UBE3A: variants seen among roughly 807,000 people sequenced by gnomAD.
The protein encoded by UBE3A is ubiquitin-protein ligase E3A.
UBE3A carries 6 observed loss-of-function variants against 83.4 expected under a neutral mutation model. That is an observed-to-expected ratio of 0.07 (90% CI 0.04 to 0.14). The LOEUF (loss-of-function observed/expected upper bound fraction) is 0.14. UBE3A is among the 10% of genes least tolerant of loss of function. The pLI is 1.00. For missense variants in UBE3A, 456 were observed against 1,036.1 expected, an observed-to-expected ratio of 0.44 and a Z score of 7.69; for synonymous variants, 337 against 355.4, an observed-to-expected ratio of 0.95 and a Z score of 0.58.
In UBE3A at chr15:25,371,014, G is replaced by A. The variant is rs2152821323; in HGVS notation, c.1160C>T (p.Thr387Ile). ...YANVVGGEVDTNHNEEDDEEP... is the reference protein window; with the variant it reads ...YANVVGGEVDINHNEEDDEEP... ...TTCATCATCTTCTTCATTGTGATTT[G>A]TGTCCACTTCCCCTCCCACTACATT... The change falls in exon 6 of 13, where the codon ACA (threonine) becomes ATA (isoleucine). Residue 387 changes from threonine to isoleucine, a missense_variant. This residue lies in a region of UBE3A where 85 missense variants were observed against 137.0 expected (regional missense o/e 0.62). Transcript: ENST00000648336. The surrounding 1 kb of genome is among the most constrained non-coding windows in gnomAD (Gnocchi z 5.3). 6.2e-7 allele frequency: 1 copy of A among 1,613,946 alleles called. No homozygotes were observed. The highest frequency in any genetic ancestry group is 1.7e-5 in the Admixed American group (1 of 59,998).
intron 4 of UBE3A, among the ~76,000 whole-genome samples, chr15:25,401,143 G>A (rs951548849): frequency 6.6e-6 from 1 of 152,056 alleles, no homozygotes; most frequent in African/African-American, 2.4e-5. Context: ...GATAATCCTT[G>A]TACCCTTGAG....
chr15:25,402,244 C>T lies in UBE3A; in HGVS notation c.62+3217G>A, dbSNP rs7167529. 2.6e-5 allele frequency among the ~76,000 whole-genome samples: 4 copies of T among 151,956 alleles called. No individual in the cohort carries two copies. The South Asian group carries it at 6.2e-4, about 24-fold the overall frequency. The stretch of plus-strand genomic sequence containing the variant: ...CAGAGATTATGCAGCCTGAGTCTAC[C>T]GGGGCTGGCCTGGAGTCTGGGTCAG... On this transcript the variant is annotated intron_variant, in intron 4 of 12. Transcript: ENST00000648336.
At chr15:25,353,511 T>C (rs1196040282) in intron 11 of UBE3A, among the ~76,000 whole-genome samples, 1 of 152,084 alleles carries the variant, frequency 6.6e-6, no homozygotes. Context: ...CTGCTCTTAG[T>C]TGAGAAAAAA....
intron 11 of UBE3A, among the ~76,000 whole-genome samples, chr15:25,352,102 G>T (rs1253180955): frequency 1.3e-5 from 2 of 152,136 alleles, no homozygotes; most frequent in Non-Finnish European, 2.9e-5. Context: ...GGCTGAGGCA[G>T]GAGAATCACT....
chr15:25,389,092 TACTGACAAAAGA>T (rs2083726095), intron 4 of UBE3A, among the ~76,000 whole-genome samples: 1 of 152,070 alleles, frequency 6.6e-6, no homozygotes, highest in Admixed American at 6.5e-5. Context: ...GATGGTGTGG[TACTGACAAAAGA>T]ACTGACAAAA....
intron 1 of UBE3A, among the ~76,000 whole-genome samples, chr15:25,428,894 C>A (rs1252931442): frequency 1.3e-5 from 2 of 152,056 alleles, no homozygotes; most frequent in African/African-American, 4.8e-5. Context: ...AACACCTGCA[C>A]ATACACTCAT....
intron 1 of UBE3A, among the ~76,000 whole-genome samples, chr15:25,412,516 C>T (rs899062594): frequency 8.5e-5 from 13 of 152,052 alleles, no homozygotes; most frequent in Admixed American, 2.0e-4. Context: ...CTTCAATATA[C>T]GACGATAATT....
chr15:25,415,194 G>C (rs1239357069), intron 1 of UBE3A, among the ~76,000 whole-genome samples: 6 of 152,020 alleles, frequency 3.9e-5, no homozygotes, highest in African/African-American at 1.5e-4. Flanking sequence ...TATTTCATCT[G>C]GTTTCCCTTT....
At position 25,370,474 on chromosome 15, in the gene UBE3A, TATC is replaced by T; in HGVS notation, c.1608+89_1608+91del. 1 of 1,425,040 alleles carries T rather than the reference TATC, an allele frequency of 7.0e-7. No homozygotes were observed. Among genetic ancestry groups the T allele is most frequent in the Non-Finnish European group, 9.9e-7 (1 of 1,008,298 alleles). The allele number at this position is 1,425,040 out of a possible 1,614,324, so 88.3% of individuals were successfully genotyped here. On this transcript the variant is annotated intron_variant, in intron 6 of 12. Coordinates refer to ENST00000648336, the MANE Select transcript of UBE3A (RefSeq NM_130839.5). This position sits in a 1 kb window ranked among gnomAD's most constrained non-coding sequence, Gnocchi z 4.2. Reference sequence around the variant, plus strand: ...GTCCATGTGTTCCTATGCTATATGGTATCATTTTTTTCAGTCACTTTTAAAATG... The same window carrying T: ...GTCCATGTGTTCCTATGCTATATGGTATTTTTTTCAGTCACTTTTAAAATG...
intron 4 of UBE3A, among the ~76,000 whole-genome samples, chr15:25,399,995 T>C (rs545709753): frequency 2.0e-5 from 3 of 152,316 alleles, no homozygotes; most frequent in Middle Eastern, 3.4e-3. Context: ...GCTTTGGCTA[T>C]TTAGGATCTT....
intron 11 of UBE3A, among the ~76,000 whole-genome samples, chr15:25,344,555 A>G (rs1057437018): frequency 2.0e-5 from 3 of 152,254 alleles, no homozygotes; most frequent in South Asian, 2.1e-4. Flanking sequence ...AGCAATTTGA[A>G]TATCATTTAG....
chr15:25,358,266 A>G (rs1316145368), intron 7 of UBE3A, among the ~76,000 whole-genome samples: 2 of 152,064 alleles, frequency 1.3e-5, no homozygotes, highest in East Asian at 3.9e-4. Flanking sequence ...CAGCTACTTG[A>G]GAGGGTGATG....
intron 11 of UBE3A, among the ~76,000 whole-genome samples, chr15:25,348,701 A>G (rs997854048): frequency 2.0e-5 from 3 of 152,190 alleles, no homozygotes; most frequent in Non-Finnish European, 4.4e-5. Flanking sequence ...GCAGTATTTA[A>G]AAAATACCAC....
intron 4 of UBE3A, among the ~76,000 whole-genome samples, chr15:25,384,459 C>CA (rs1306982756): frequency 0.16 from 10,905 of 69,602 alleles, 909 homozygotes; most frequent in African/African-American, 0.31. Flanking sequence ...GACTCTGTCT[C>CA]AAAAAAAAAA....
chr15:25,438,784 C>G lies in UBE3A; in HGVS notation c.-460G>C, dbSNP rs1895949965. On this transcript the variant is annotated 5_prime_UTR_variant, in exon 1 of 13. Transcript: ENST00000648336. ...TTCCGAGGAGGAGCCGAAGGAGGCG[C>G]CGCCGCCCGCAGCCGAGCGCGCCGG... 1 of 152,450 alleles carries G rather than the reference C, an allele frequency of 6.6e-6. No homozygotes were observed. The highest frequency in any genetic ancestry group is 2.4e-5 in the African/African-American group (1 of 41,462). The allele number at this position is 152,450 out of a possible 1,614,324, so 9.4% of individuals were successfully genotyped here. A position where few individuals can be genotyped will look rare whatever the true frequency, so the allele number is the denominator to read the frequency against.
At chr15:25,391,260 A>T (rs1161620025) in intron 4 of UBE3A, among the ~76,000 whole-genome samples, 2 of 152,252 alleles carry the variant, frequency 1.3e-5, no homozygotes, top group African/African-American at 2.4e-5. Context: ...ACAAATACTT[A>T]ATGATTCCAC....
Position 25,340,211 on chromosome 15 carries a change from A to G in UBE3A, c.2372T>C (p.Val791Ala). The G allele has an allele frequency of 6.2e-7, 1 of 1,613,516 alleles. No individual in the cohort carries two copies. The highest frequency in any genetic ancestry group is 8.5e-7 in the Non-Finnish European group (1 of 1,179,944). ...TTTCTGTTCATCTGTAAATGAATGA[A>G]CGATTTCCCAGAACTCCCTAATGAG... ...SVLIREFWEI[V>A]HSFTDEQKRL... Residue 791 changes from valine to alanine, a missense_variant, in exon 12 of 13, where the codon GTT becomes GCT. Val to Ala is a moderately conservative substitution (Grantham distance 64). This residue lies in a region of UBE3A where 82 missense variants were observed against 199.3 expected (regional missense o/e 0.41). Transcript: ENST00000648336.
chr15:25,352,585 G>A (rs1343632569), intron 11 of UBE3A, among the ~76,000 whole-genome samples: 4 of 152,206 alleles, frequency 2.6e-5, no homozygotes, highest in Non-Finnish European at 1.5e-5. Context: ...AAATGGTGCT[G>A]GTAGACCTGC....
chr15:25,350,725 C>T (rs1014398428), intron 11 of UBE3A, among the ~76,000 whole-genome samples: 20 of 152,064 alleles, frequency 1.3e-4, no homozygotes, highest in African/African-American at 4.6e-4. Context: ...TTTGCGTATT[C>T]ATATAATGCA....
Sources: allele counts gnomAD v4.1 joint callset (sites outside exome capture counted in the v4.1 genomes callset), GRCh38; gene constraint gnomAD v4.1.1; regional missense constraint gnomAD v4.1.1; non-coding constraint Gnocchi (gnomAD v3.1); transcripts MANE v1.5; gene names NCBI Gene and HGNC (gene_info 2026-07-23, HGNC 2026-07-21).